GPC5: variants seen among roughly 807,000 people sequenced by gnomAD.
GPC5 encodes glypican-5.
A neutral mutation model predicts 53.9 loss-of-function variants in GPC5; 47 were observed. That is an observed-to-expected ratio of 0.87 (90% CI 0.69 to 1.11). The LOEUF (loss-of-function observed/expected upper bound fraction) is 1.11. Among genes scored for constraint, GPC5 ranks in the 50% most tolerant of loss-of-function variants. GPC5 has a pLI of 0.00. For synonymous variants in GPC5, 286 were observed against 263.3 expected, an observed-to-expected ratio of 1.09 and a Z score of -0.84; for missense variants, 748 against 713.1, an observed-to-expected ratio of 1.05 and a Z score of -0.56.
intron 1 of GPC5, among the ~76,000 whole-genome samples, chr13:91,412,420 CAAT>C (rs763028890): frequency 6.6e-6 from 1 of 152,076 alleles, no homozygotes; most frequent in Non-Finnish European, 1.5e-5. Flanking sequence ...AACTTCTGTA[CAAT>C]AAAATAAAAT....
chr13:91,693,382 T>C lies in GPC5; in HGVS notation c.521T>C (p.Val174Ala), dbSNP rs776944959. ...NRFFDSLFPL[V>A]YNHLINPGVT... Reference sequence around the variant, plus strand: ...TTTTTTGACAGTCTTTTTCCTCTGGTCTACAACCACCTCATTAACCCTGGT... The same window carrying C: ...TTTTTTGACAGTCTTTTTCCTCTGGCCTACAACCACCTCATTAACCCTGGT... The change falls in exon 3 of 8, where the codon GTC becomes GCC. Residue 174 changes from valine (V) to alanine (A), a missense_variant. Physicochemically the swap from Val to Ala is moderately conservative, Grantham distance 64. Transcript: ENST00000377067. 3.1e-6 allele frequency: 5 copies of C among 1,614,090 alleles called. No individual in the cohort carries two copies. In the Admixed American group the frequency reaches 8.3e-5, roughly 27 times the overall value.
At chr13:91,701,378 T>C (rs2035988198) in intron 3 of GPC5, among the ~76,000 whole-genome samples, 1 of 152,168 alleles carries the variant, frequency 6.6e-6, no homozygotes, top group African/African-American at 2.4e-5. Context: ...CAAACACCAT[T>C]GTCTTTGCTC....
chr13:91,949,828 A>T (rs1026932210), intron 6 of GPC5, among the ~76,000 whole-genome samples: 1 of 151,428 alleles, frequency 6.6e-6, no homozygotes, highest in Non-Finnish European at 1.5e-5. Flanking sequence ...AAAGGAAAAA[A>T]ATTCTTGTAT....
intron 6 of GPC5, among the ~76,000 whole-genome samples, chr13:92,118,088 G>T (rs201885976): frequency 4.6e-5 from 7 of 151,910 alleles, no homozygotes; most frequent in African/African-American, 1.7e-4. Context: ...TGGTTTTTTT[G>T]TTTGTTTGTT....
intron 7 of GPC5, among the ~76,000 whole-genome samples, chr13:92,483,649 T>C (rs1401450052): frequency 6.6e-6 from 1 of 150,952 alleles, no homozygotes; most frequent in African/African-American, 2.4e-5. Flanking sequence ...ATAATAAATT[T>C]ACCTTAACAC....
intron 5 of GPC5, among the ~76,000 whole-genome samples, chr13:91,906,053 G>T (rs2039549799): frequency 1.3e-5 from 2 of 151,926 alleles, no homozygotes; most frequent in Non-Finnish European, 2.9e-5. Context: ...CAACGTCCCT[G>T]TTCTGAGTCT....
chr13:91,954,836 G>C (rs1178335783), intron 6 of GPC5, among the ~76,000 whole-genome samples: 1 of 152,050 alleles, frequency 6.6e-6, no homozygotes, highest in Non-Finnish European at 1.5e-5. Flanking sequence ...TTGTGTATCT[G>C]TAAAATCCCT....
At chr13:91,555,931 G>A (rs2030921061) in intron 2 of GPC5, among the ~76,000 whole-genome samples, 1 of 151,978 alleles carries the variant, frequency 6.6e-6, no homozygotes, top group Non-Finnish European at 1.5e-5. Flanking sequence ...ACAACACATG[G>A]GAATCATGGG....
At chr13:92,289,202 G>C (rs2042977254) in intron 7 of GPC5, among the ~76,000 whole-genome samples, 1 of 151,968 alleles carries the variant, frequency 6.6e-6, no homozygotes, top group Non-Finnish European at 1.5e-5. Flanking sequence ...AATTACATTG[G>C]AAGACTCCTT....
chr13:92,758,605 A>C (rs1209001544), intron 7 of GPC5, among the ~76,000 whole-genome samples: 1 of 152,202 alleles, frequency 6.6e-6, no homozygotes, highest in Admixed American at 6.5e-5. Context: ...TGGCTGTTAT[A>C]GCCATTTAGC....
At chr13:91,723,548 C>T (rs955335346) in intron 3 of GPC5, among the ~76,000 whole-genome samples, 1 of 151,794 alleles carries the variant, frequency 6.6e-6, no homozygotes, top group African/African-American at 2.4e-5. Context: ...GTGTCTGGCT[C>T]TTTAATCATC....
At chr13:92,840,563 A>C (rs1470773135) in intron 7 of GPC5, among the ~76,000 whole-genome samples, 2 of 152,098 alleles carry the variant, frequency 1.3e-5, no homozygotes, top group Non-Finnish European at 2.9e-5. Flanking sequence ...TTCATTTTCA[A>C]AACTGTTTTG....
At position 91,693,249 on chromosome 13, in the gene GPC5, T is replaced by C. The variant is rs1382918291; in HGVS notation, c.388T>C (p.Tyr130His). 1.1e-5 allele frequency: 18 copies of C among 1,614,018 alleles called. No individual in the cohort carries two copies. The highest frequency in any genetic ancestry group is 1.4e-5 in the Non-Finnish European group (16 of 1,180,016). ...CACCAGTATACTTTTTTGCAGTACC[T>C]ACAGGAACATGGCCTTGGAGGCTGC... is the stretch of plus-strand genomic sequence containing the variant. The part of the protein sequence containing the change: ...NYTSILFCST[Y>H]RNMALEAAAS... Residue 130 changes from tyrosine (Y) to histidine (H), a missense_variant, in exon 3 of 8, where the codon TAC becomes CAC. By Grantham distance (83) the Tyr-to-His change is moderately conservative (BLOSUM62 2). Transcript: ENST00000377067.
At chr13:91,452,201 C>T (rs1881229668) in intron 2 of GPC5, among the ~76,000 whole-genome samples, 1 of 151,926 alleles carries the variant, frequency 6.6e-6, no homozygotes, top group Non-Finnish European at 1.5e-5. Context: ...CCCATCTGGT[C>T]TTGAACTCCT....
rs2043281794 is a variant in GPC5, at chr13:92,330,586, A to T, written c.1561+185597A>T. ...TGACCTGGCAAGAGTAGAATCAGGA[A>T]TTGGAAAATTGTTAAGAGAATTTGT... On this transcript the variant is annotated intron_variant, in intron 7 of 7. Transcript: ENST00000377067. 2.0e-5 allele frequency among the ~76,000 whole-genome samples: 3 copies of T among 152,182 alleles called. No individual in the cohort carries two copies. In the South Asian group the frequency reaches 6.2e-4, roughly 31 times the overall value.
intron 6 of GPC5, among the ~76,000 whole-genome samples, chr13:91,998,466 C>T (rs1004250926): frequency 6.6e-6 from 1 of 152,144 alleles, no homozygotes; most frequent in African/African-American, 2.4e-5. Context: ...ATCTGCAATT[C>T]ATAATGTAAG....
In GPC5 at chr13:92,137,703, G is replaced by A. The variant is rs1331005; in HGVS notation, c.1402-7127G>A. Among the ~76,000 whole-genome samples, 714 of 152,234 alleles carry A rather than the reference G, an allele frequency of 4.7e-3. 5 individuals carry two copies. Among genetic ancestry groups the A allele is most frequent in the African/African-American group, 0.016 (668 of 41,528 alleles). Reference sequence around the variant, plus strand: ...TGCAGTGATGCAATCATGGTTCACTGCATTGTCCACCTCCTGGGCTTAAGC... The same window carrying A: ...TGCAGTGATGCAATCATGGTTCACTACATTGTCCACCTCCTGGGCTTAAGC... On this transcript the variant is annotated intron_variant, in intron 6 of 7. Transcript: ENST00000377067.
intron 6 of GPC5, among the ~76,000 whole-genome samples, chr13:92,144,076 T>C (rs1215293354): frequency 6.6e-6 from 1 of 152,180 alleles, no homozygotes; most frequent in East Asian, 1.9e-4. Flanking sequence ...AAATATTCTA[T>C]TTATAACATC....
At chr13:92,422,488 T>TCTCACACACACA (rs1491457303) in intron 7 of GPC5, among the ~76,000 whole-genome samples, 1 of 133,314 alleles carries the variant, frequency 7.5e-6, no homozygotes, top group African/African-American at 2.9e-5. Flanking sequence ...CATCACCATC[T>TCTCACACACACA]CACACACACA....
Sources: gnomAD v4.1 joint callset for allele counts (sites outside exome capture counted in the v4.1 genomes callset) on GRCh38, gnomAD v4.1.1 for gene constraint, MANE v1.5 for transcripts, NCBI Gene and HGNC (gene_info 2026-07-23, HGNC 2026-07-21) for gene names.